Variants in ABI3BP observed in about 807,000 individuals in gnomAD.
ABI3BP encodes ABI family member 3 binding protein, also known as target of Nesh-SH3.
Under a neutral mutation model 268.6 loss-of-function variants are expected in ABI3BP, and 216 were observed. The observed-to-expected ratio is 0.80, with a 90% CI of 0.72 to 0.90. The LOEUF is 0.90. Ranked by LOEUF, ABI3BP falls within the 40% of genes least tolerant of loss-of-function variation. The pLI, the probability that ABI3BP is intolerant of heterozygous loss-of-function variation, is 0.00. For missense variants in ABI3BP, 2,090 were observed against 2,182.4 expected (o/e 0.96, Z 0.84); for synonymous variants, 730 against 730.0 (o/e 1.00, Z 0.00).
In ABI3BP at chr3:100,989,223, A is replaced by G. The variant is rs540766690; in HGVS notation, c.79+4083T>C. On this transcript the variant is annotated intron_variant, in intron 1 of 67. Transcript: ENST00000471714. ...TTTGATCATGGACTTCCCAGCTTCC[A>G]GAACCGTGAAAAATAAACTTCTGTT... 2.6e-5 allele frequency among the ~76,000 whole-genome samples: 4 copies of G among 152,318 alleles called. No homozygotes were observed. In the South Asian group the frequency reaches 8.3e-4, roughly 32 times the overall value.
intron 61 of ABI3BP, among the ~76,000 whole-genome samples, chr3:100,771,836 A>G (rs1324417652): frequency 2.6e-5 from 4 of 152,192 alleles, no homozygotes; most frequent in Non-Finnish European, 5.9e-5. Context: ...GCAGAAAAAA[A>G]TATTTTAAGA....
chr3:100,765,789 G>T (rs904707670), intron 63 of ABI3BP, 52 bp downstream of exon 63: 2 of 1,306,626 alleles, frequency 1.5e-6, no homozygotes, highest in Non-Finnish European at 1.1e-6. Flanking sequence ...CCTTGTTGTG[G>T]TTATAACTTT....
chr3:100,849,660 A>C (rs988409737), intron 17 of ABI3BP, among the ~76,000 whole-genome samples: 1 of 152,212 alleles, frequency 6.6e-6, no homozygotes, highest in African/African-American at 2.4e-5. Flanking sequence ...CCAGGACTGC[A>C]AAGCCTACTT....
Position 100,816,739 on chromosome 3 carries a change from G to A in ABI3BP, c.3178C>T (p.Arg1060Cys), listed in dbSNP as rs1046087156. 1.9e-5 allele frequency: 29 copies of A among 1,535,648 alleles called. No individual in the cohort carries two copies. The Middle Eastern group carries it at 5.0e-4, about 26-fold the overall frequency. The change falls in exon 43 of 68, where the codon CGT (arginine) becomes TGT (cysteine). Residue 1060 changes from arginine (R) to cysteine (C), a missense_variant. By Grantham distance (180) the Arg-to-Cys change is radical (BLOSUM62 -3). Coordinates refer to ENST00000471714, the MANE Select transcript of ABI3BP (RefSeq NM_001375547.2). Reference protein sequence around the residue: ...APKTQRTRRPRPRPKTTSSPE... With the variant: ...APKTQRTRRPCPRPKTTSSPE... The stretch of plus-strand genomic sequence containing the variant: ...CTTGATGTAGTTTTGGGTCTGGGAC[G>A]GGGACGACGTGTCCGTTGTGTTTTA...
At chr3:100,762,122 CAA>C (rs2095999731) in intron 63 of ABI3BP, among the ~76,000 whole-genome samples, 1 of 152,138 alleles carries the variant, frequency 6.6e-6, no homozygotes, top group South Asian at 2.1e-4. Flanking sequence ...TTACAGCTAA[CAA>C]GAGCCATGTG....
At chr3:100,946,388 A>G (rs1374738354) in intron 1 of ABI3BP, among the ~76,000 whole-genome samples, 2 of 149,722 alleles carry the variant, frequency 1.3e-5, no homozygotes, top group Admixed American at 6.7e-5. Flanking sequence ...AAAAAAAAAG[A>G]TGAGATCACT....
At position 100,938,890 on chromosome 3, in the gene ABI3BP, A is replaced by G. The variant is rs751524386; in HGVS notation, c.80-12409T>C. On this transcript the variant is annotated intron_variant, in intron 1 of 67. Transcript: ENST00000471714. ...TGGCATGAAAGAACAAAGTAGGTAA[A>G]AGGAATTAAATTGCTTTGGTGGTGG... is the stretch of plus-strand genomic sequence containing the variant. Among the ~76,000 whole-genome samples the G allele has an allele frequency of 3.5e-4, 54 of 152,130 alleles. 1 individual carries two copies. Among genetic ancestry groups the G allele is most frequent in the Non-Finnish European group, 2.4e-4 (16 of 67,968 alleles).
intron 50 of ABI3BP, among the ~76,000 whole-genome samples, chr3:100,806,319 G>A (rs1187579091): frequency 1.3e-5 from 2 of 152,174 alleles, no homozygotes; most frequent in Non-Finnish European, 2.9e-5. Flanking sequence ...TTGGTATCAT[G>A]CATATAAACA....
intron 51 of ABI3BP, among the ~76,000 whole-genome samples, chr3:100,799,649 C>G (rs148354288): frequency 1.7e-4 from 26 of 152,246 alleles, no homozygotes; most frequent in African/African-American, 6.3e-4. Context: ...TGCCTCATCT[C>G]CCAACTCCTT....
chr3:100,837,411 A>T, intron 26 of ABI3BP: 1 of 411,468 alleles, frequency 2.4e-6, no homozygotes, highest in Non-Finnish European at 4.2e-6. Context: ...GAGAACTGTT[A>T]TATAAATATC....
chr3:100,979,875 G>C (rs1249850471), intron 1 of ABI3BP, among the ~76,000 whole-genome samples: 1 of 152,206 alleles, frequency 6.6e-6, no homozygotes, highest in Non-Finnish European at 1.5e-5. Context: ...AAAAGGCACT[G>C]ATATGTTTTT....
In ABI3BP at chr3:100,770,736, A is replaced by T; in HGVS notation, c.4741+7T>A. On this transcript the variant is annotated splice_region_variant and intron_variant, in intron 62 of 67. Coordinates refer to ENST00000471714, the MANE Select transcript of ABI3BP (RefSeq NM_001375547.2). ...CCACCATAACAGTCCTCATGCCATGATCTTACCAGTGACAGTGTCATTTAG... is the reference window on the plus strand; with the variant it reads ...CCACCATAACAGTCCTCATGCCATGTTCTTACCAGTGACAGTGTCATTTAG... 4 of 1,478,970 alleles carry T rather than the reference A, an allele frequency of 2.7e-6. No individual in the cohort carries two copies. Among genetic ancestry groups the T allele is most frequent in the Non-Finnish European group, 3.6e-6 (4 of 1,111,286 alleles). 91.6% of individuals were successfully genotyped at this position (1,478,970 alleles called of 1,614,324 possible). A position where few individuals can be genotyped will look rare whatever the true frequency, so the allele number is the denominator to read the frequency against.
chr3:100,824,276 A>G (rs1206840830), intron 36 of ABI3BP, among the ~76,000 whole-genome samples: 1 of 152,110 alleles, frequency 6.6e-6, no homozygotes, highest in Admixed American at 6.6e-5. Flanking sequence ...TTTCTAGCTG[A>G]CCCAACACAT....
At chr3:100,773,859 G>A (rs1460526837) in intron 61 of ABI3BP, among the ~76,000 whole-genome samples, 3 of 152,154 alleles carry the variant, frequency 2.0e-5, no homozygotes, top group Non-Finnish European at 4.4e-5. Flanking sequence ...CATACTGTAT[G>A]TTTTCATTTA....
chr3:100,943,126 C>T (rs1269407487), intron 1 of ABI3BP, among the ~76,000 whole-genome samples: 4 of 151,884 alleles, frequency 2.6e-5, no homozygotes, highest in African/African-American at 9.7e-5. Context: ...GATTTAAAAT[C>T]AAAGATGAGT....
At chr3:100,922,076 A>AGC (rs2060397753) in intron 2 of ABI3BP, among the ~76,000 whole-genome samples, 1 of 152,268 alleles carries the variant, frequency 6.6e-6, no homozygotes, top group South Asian at 2.1e-4. Flanking sequence ...AAAGAAAGTA[A>AGC]GAGCAGGAGC....
chr3:100,775,183 G>C lies in ABI3BP; in HGVS notation c.4462+24C>G, dbSNP rs781127239. On this transcript the variant is annotated intron_variant, in intron 60 of 67. Coordinates refer to ENST00000471714, the MANE Select transcript of ABI3BP (RefSeq NM_001375547.2). ...TTTGCACCTCACAGCTAAGTATCCA[G>C]TGAGAACTGATGGCCATACGAACCC... The C allele has an allele frequency of 1.5e-5, 24 of 1,611,368 alleles. 1 individual carries two copies. The highest frequency in any genetic ancestry group is 2.0e-5 in the Non-Finnish European group (23 of 1,178,796).
intron 2 of ABI3BP, among the ~76,000 whole-genome samples, chr3:100,912,821 G>A (rs1325946920): frequency 6.6e-6 from 1 of 152,162 alleles, no homozygotes; most frequent in Admixed American, 6.5e-5. Flanking sequence ...CCACTAGTTG[G>A]TTCTCAAAAA....
chr3:100,800,245 T>A (rs1470630566), intron 51 of ABI3BP, among the ~76,000 whole-genome samples: 1 of 151,900 alleles, frequency 6.6e-6, no homozygotes, highest in Non-Finnish European at 1.5e-5. Flanking sequence ...ATATTCCATT[T>A]AAAAAAATCA....
Sources: gnomAD v4.1 joint callset for allele counts (sites outside exome capture counted in the v4.1 genomes callset) on GRCh38, gnomAD v4.1.1 for gene constraint, MANE v1.5 for transcripts, NCBI Gene and HGNC (gene_info 2026-07-23, HGNC 2026-07-21) for gene names.